Variants in PKHD1 observed in about 807,000 individuals in gnomAD.
The protein encoded by PKHD1 is PKHD1 ciliary IPT domain containing fibrocystin/polyductin.
PKHD1 carries 291 observed loss-of-function variants against 412.0 expected under a neutral mutation model. The ratio of observed to expected loss-of-function variants is 0.71; its 90% CI spans 0.64 to 0.78. PKHD1 has a LOEUF of 0.78. PKHD1 is among the 30% of genes least tolerant of loss of function. The probability of loss-of-function intolerance (pLI) is 0.00; values close to 1 mark genes in which losing one functional copy is unlikely to be tolerated. For missense variants in PKHD1, 4,825 were observed against 4,950.7 expected (o/e 0.97, Z 0.76); for synonymous variants, 1,777 against 1,821.5 (o/e 0.98, Z 0.62).
intron 43 of PKHD1, among the ~76,000 whole-genome samples, chr6:51,903,218 A>G (rs1039481634): frequency 3.3e-5 from 5 of 152,212 alleles, no homozygotes; most frequent in South Asian, 4.1e-4. Flanking sequence ...GCAAAATTAT[A>G]AATTATTTTC....
intron 45 of PKHD1, among the ~76,000 whole-genome samples, chr6:51,884,435 CA>C (rs1777883484): frequency 6.6e-6 from 1 of 152,120 alleles, no homozygotes; most frequent in Admixed American, 6.5e-5. Flanking sequence ...TGCTTTGTAG[CA>C]AGTTTTAAAA....
intron 63 of PKHD1, 79 bp from the exon 64 acceptor site, chr6:51,639,035 G>T: frequency 9.5e-7 from 1 of 1,051,162 alleles, no homozygotes; most frequent in Non-Finnish European, 1.5e-6. Flanking sequence ...TGCGAAGGCA[G>T]ACATTTGGAC....
chr6:51,740,128 T>C, intron 60 of PKHD1: 5 of 457,524 alleles, frequency 1.1e-5, no homozygotes, highest in South Asian at 7.7e-5. Flanking sequence ...TGGCATGAGC[T>C]GTCTTGCTCT....
rs776992907 is a variant in PKHD1 at position 51,856,048 on chromosome 6, A to C, written c.7756T>G (p.Tyr2586Asp). 1 of 1,603,330 alleles carries C rather than the reference A, an allele frequency of 6.2e-7. No individual in the cohort carries two copies. Among genetic ancestry groups the C allele is most frequent in the Non-Finnish European group, 8.5e-7 (1 of 1,170,604 alleles). Residue 2586 changes from tyrosine to aspartate, a missense_variant, in exon 49 of 67, where the codon TAT becomes GAT. Tyr to Asp is a radical substitution (Grantham distance 160). Coordinates refer to ENST00000371117, the MANE Select transcript of PKHD1 (RefSeq NM_138694.4). ...CTGCTGTCAGTCATGGTTAAATCAT[A>C]AGAAACTTCAGGAGTATTCGCTCTA... The part of the protein sequence containing the change: ...IGLANTPEVS[Y>D]DLTMTDSRNK...
Position 51,725,312 on chromosome 6 carries a change from G to A in PKHD1, c.10156+19073C>T, listed in dbSNP as rs563399231. Among the ~76,000 whole-genome samples, 14 of 152,274 alleles carry A rather than the reference G, an allele frequency of 9.2e-5. No individual in the cohort carries two copies. The South Asian group carries it at 2.9e-3, about 32-fold the overall frequency. ...GGACTGAACAATTGCTCCTTGTTTT[G>A]AAAAACTTTTCTGTTGCTGTTGGTA... On this transcript the variant is annotated intron_variant, in intron 60 of 66. Transcript: ENST00000371117.
At chr6:51,783,132 A>G (rs1028611428) in intron 53 of PKHD1, among the ~76,000 whole-genome samples, 4 of 152,078 alleles carry the variant, frequency 2.6e-5, no homozygotes, top group Non-Finnish European at 5.9e-5. Context: ...GACAAGTTTT[A>G]GGATAAAAGC....
intron 51 of PKHD1, among the ~76,000 whole-genome samples, chr6:51,834,844 C>T (rs2151539087): frequency 6.6e-6 from 1 of 152,188 alleles, no homozygotes; most frequent in African/African-American, 2.4e-5. Flanking sequence ...AATCTATGCT[C>T]AATAAGGCAA....
intron 63 of PKHD1, among the ~76,000 whole-genome samples, chr6:51,645,124 G>A (rs1364008980): frequency 6.6e-6 from 1 of 152,130 alleles, no homozygotes; most frequent in East Asian, 1.9e-4. Flanking sequence ...CTTTCAATAT[G>A]TTACTGGCTA....
intron 34 of PKHD1, among the ~76,000 whole-genome samples, chr6:52,016,319 T>G (rs1800520460): frequency 6.6e-6 from 1 of 151,960 alleles, no homozygotes; most frequent in Non-Finnish European, 1.5e-5. Flanking sequence ...CGTGGGGAAG[T>G]GGTCTTGTTT....
At chr6:52,035,828 G>T in intron 27 of PKHD1, 107 bp from the exon 28 acceptor site, 1 of 1,157,224 alleles carries the variant, frequency 8.6e-7, no homozygotes, top group Non-Finnish European at 1.3e-6. Context: ...AAACTCCTTA[G>T]TCAAAACAAA....
chr6:52,017,585 A>C lies in PKHD1; in HGVS notation c.5425T>G (p.Cys1809Gly), dbSNP rs1800745753. 6.2e-7 allele frequency: 1 copy of C among 1,614,042 alleles called. No homozygotes were observed. The highest frequency in any genetic ancestry group is 8.5e-7 in the Non-Finnish European group (1 of 1,179,992). ...ACATAGGTGTGTCTGGCAGCCTCAC[A>C]GCTGTCCTCCTCACGCTTCAGGCCA... ...LCGLKREEDS[C>G]EAARHTYVQC... The change falls in exon 34 of 67, where the codon TGT becomes GGT. Residue 1809 changes from cysteine (C) to glycine (G), a missense_variant. Physicochemically the swap from Cys to Gly is radical, Grantham distance 159. Coordinates refer to ENST00000371117, the MANE Select transcript of PKHD1 (RefSeq NM_138694.4).
chr6:51,795,615 G>C (rs1327278784), intron 52 of PKHD1, among the ~76,000 whole-genome samples: 1 of 152,210 alleles, frequency 6.6e-6, no homozygotes, highest in Non-Finnish European at 1.5e-5. Context: ...CAGTTTTCAA[G>C]GGGAGTGCTT....
chr6:51,656,527 C>A (rs573440287), intron 61 of PKHD1, among the ~76,000 whole-genome samples: 1 of 152,096 alleles, frequency 6.6e-6, no homozygotes, highest in Non-Finnish European at 1.5e-5. Context: ...CTTAGCTAAG[C>A]AGAGGATGCT....
chr6:51,737,447 A>G (rs1166736418), intron 60 of PKHD1, among the ~76,000 whole-genome samples: 1 of 152,184 alleles, frequency 6.6e-6, no homozygotes, highest in South Asian at 2.1e-4. Context: ...TATTCAAATA[A>G]TTAAGATTGT....
chr6:51,635,214 G>A (rs75527651), intron 64 of PKHD1, among the ~76,000 whole-genome samples: 1,623 of 152,172 alleles, frequency 0.011, 37 homozygotes, highest in African/African-American at 0.037. Context: ...ACAGGCATGA[G>A]CCACCCCGCA....
intron 60 of PKHD1, among the ~76,000 whole-genome samples, chr6:51,696,112 A>G (rs1281937441): frequency 2.0e-5 from 3 of 152,230 alleles, no homozygotes; most frequent in Non-Finnish European, 4.4e-5. Context: ...AAATATGAAC[A>G]TTTAAAAAAT....
intron 35 of PKHD1, among the ~76,000 whole-genome samples, chr6:51,970,895 C>G (rs1313184717): frequency 6.6e-6 from 1 of 152,164 alleles, no homozygotes; most frequent in Non-Finnish European, 1.5e-5. Context: ...ATACCTCCAG[C>G]TTTGTTCTTT....
intron 52 of PKHD1, among the ~76,000 whole-genome samples, chr6:51,793,340 C>T (rs1460163183): frequency 1.3e-5 from 2 of 152,050 alleles, no homozygotes; most frequent in Non-Finnish European, 2.9e-5. Context: ...AATTTATTTA[C>T]TTATTTATTT....
chr6:52,086,011 TTTAA>T (rs1340631702), intron 1 of PKHD1, among the ~76,000 whole-genome samples: 7 of 149,210 alleles, frequency 4.7e-5, no homozygotes, highest in African/African-American at 7.3e-5. Flanking sequence ...TTAATATATA[TTTAA>T]TTATGTTTAT....
Sources: gnomAD v4.1 joint callset for allele counts (sites outside exome capture counted in the v4.1 genomes callset) on GRCh38, gnomAD v4.1.1 for gene constraint, MANE v1.5 for transcripts, NCBI Gene and HGNC (gene_info 2026-07-23, HGNC 2026-07-21) for gene names.